RBFOX1: variants seen among roughly 807,000 people sequenced by gnomAD.
The protein encoded by RBFOX1 is RNA binding fox-1 homolog 1, also known as RNA binding protein fox-1 homolog 1.
RBFOX1 carries 8 observed loss-of-function variants against 57.7 expected under a neutral mutation model. That is an observed-to-expected ratio of 0.14 (90% CI 0.08 to 0.25). The LOEUF is 0.25. Among genes scored for constraint, RBFOX1 ranks in the 10% least tolerant of loss-of-function variants. The probability of loss-of-function intolerance (pLI) is 1.00; values close to 1 mark genes in which losing one functional copy is unlikely to be tolerated. For missense variants in RBFOX1, 611 were observed against 548.5 expected, an observed-to-expected ratio of 1.11 and a Z score of -1.14; for synonymous variants, 326 against 222.4, an observed-to-expected ratio of 1.47 and a Z score of -4.15.
chr16:6,335,407 T>C (rs901674492), intron 2 of RBFOX1, among the ~76,000 whole-genome samples: 2 of 152,168 alleles, frequency 1.3e-5, no homozygotes, highest in East Asian at 3.9e-4. Flanking sequence ...TCTAGAAATG[T>C]GCTATTGGTA....
At chr16:6,314,230 C>G (rs2080782717) in intron 1 of RBFOX1, among the ~76,000 whole-genome samples, 1 of 152,146 alleles carries the variant, frequency 6.6e-6, no homozygotes, top group South Asian at 2.1e-4. Flanking sequence ...ACTTGTTAGG[C>G]TACCCAATGT....
intron 4 of RBFOX1, among the ~76,000 whole-genome samples, chr16:7,333,599 A>G (rs1482197242): frequency 6.6e-6 from 1 of 152,208 alleles, no homozygotes; most frequent in Non-Finnish European, 1.5e-5. Flanking sequence ...GGAACACTCT[A>G]TTGATGGGTA....
At chr16:6,671,736 T>G (rs564876818) in intron 3 of RBFOX1, among the ~76,000 whole-genome samples, 25 of 152,326 alleles carry the variant, frequency 1.6e-4, no homozygotes, top group Non-Finnish European at 3.2e-4. Context: ...ATTTCTGAGT[T>G]ACTTCAATTA....
intron 3 of RBFOX1, among the ~76,000 whole-genome samples, chr16:6,687,594 C>T (rs1410770546): frequency 1.3e-5 from 2 of 152,180 alleles, no homozygotes; most frequent in Admixed American, 6.6e-5. Context: ...ATAAAATTAA[C>T]TTCAGGTCTA....
intron 3 of RBFOX1, among the ~76,000 whole-genome samples, chr16:6,991,136 CAAAAAAAA>C (rs35889519): frequency 3.0e-4 from 16 of 53,070 alleles, no homozygotes; most frequent in Non-Finnish European, 3.1e-4. Context: ...ATTGTCTCTC[CAAAAAAAA>C]AAAAAAAAAA....
At chr16:6,439,600 CT>C (rs1484791092) in intron 2 of RBFOX1, among the ~76,000 whole-genome samples, 1 of 152,136 alleles carries the variant, frequency 6.6e-6, no homozygotes, top group African/African-American at 2.4e-5. Flanking sequence ...TATACCCTTC[CT>C]GATTTCTTGA....
intron 4 of RBFOX1, among the ~76,000 whole-genome samples, chr16:7,290,708 C>T (rs1321115984): frequency 6.6e-6 from 1 of 152,194 alleles, no homozygotes; most frequent in Non-Finnish European, 1.5e-5. Context: ...GGGAAAAATA[C>T]CGTTCTCATG....
At chr16:6,231,078 C>T (rs966208418) in intron 1 of RBFOX1, among the ~76,000 whole-genome samples, 4 of 151,990 alleles carry the variant, frequency 2.6e-5, no homozygotes, top group African/African-American at 9.7e-5. Context: ...AAAGAAGGGT[C>T]TATTTGGGTA....
Position 7,257,008 on chromosome 16 carries a change from C to G in RBFOX1, c.27+204910C>G, listed in dbSNP as rs561455687. Reference sequence around the variant, plus strand: ...CTGTTACTCGTTCTGATCCTGTCTCCTCTCCCCCTCTGATCCGACCCTCCT... The same window carrying G: ...CTGTTACTCGTTCTGATCCTGTCTCGTCTCCCCCTCTGATCCGACCCTCCT... On this transcript the variant is annotated intron_variant, in intron 4 of 15. Transcript: ENST00000550418. Among the ~76,000 whole-genome samples the G allele has an allele frequency of 2.6e-5, 4 of 152,246 alleles. No individual in the cohort carries two copies. The South Asian group carries it at 8.3e-4, about 32-fold the overall frequency.
chr16:6,227,535 G>C (rs112053028), intron 1 of RBFOX1, among the ~76,000 whole-genome samples: 254 of 152,212 alleles, frequency 1.7e-3, no homozygotes, highest in African/African-American at 6.0e-3. Context: ...AGTCTGCAGG[G>C]TAGGGACAGA....
At chr16:5,273,519 G>A (rs1351022715) in intron 1 of RBFOX1, among the ~76,000 whole-genome samples, 4 of 152,188 alleles carry the variant, frequency 2.6e-5, no homozygotes, top group Non-Finnish European at 2.9e-5. Flanking sequence ...GGCGGGTGAA[G>A]CTTTGGTGTC....
intron 3 of RBFOX1, among the ~76,000 whole-genome samples, chr16:6,938,641 G>A (rs1264980992): frequency 2.0e-5 from 3 of 152,168 alleles, no homozygotes; most frequent in Non-Finnish European, 2.9e-5. Flanking sequence ...GACAATCTAG[G>A]TTAAAGGGCA....
chr16:6,889,947 G>C (rs1474873971), intron 3 of RBFOX1, among the ~76,000 whole-genome samples: 1 of 152,148 alleles, frequency 6.6e-6, no homozygotes, highest in Non-Finnish European at 1.5e-5. Context: ...TATTTCAGTG[G>C]TTACCTGTGA....
intron 14 of RBFOX1, among the ~76,000 whole-genome samples, chr16:7,687,063 T>C (rs982404305): frequency 3.3e-5 from 5 of 152,252 alleles, no homozygotes; most frequent in African/African-American, 1.2e-4. Context: ...TATTTTCATG[T>C]GTTCCCCCTT....
At chr16:6,650,991 C>G (rs1270823408) in intron 2 of RBFOX1, among the ~76,000 whole-genome samples, 2 of 152,200 alleles carry the variant, frequency 1.3e-5, no homozygotes, top group Non-Finnish European at 2.9e-5. Flanking sequence ...CATCCTCCGC[C>G]TTCCCGGTTC....
intron 1 of RBFOX1, among the ~76,000 whole-genome samples, chr16:6,024,741 C>G (rs911080464): frequency 6.6e-6 from 1 of 152,242 alleles, no homozygotes; most frequent in Non-Finnish European, 1.5e-5. Context: ...TCCTCGGCCT[C>G]TCAAAGTGCT....
intron 3 of RBFOX1, among the ~76,000 whole-genome samples, chr16:6,820,814 G>C (rs1324824726): frequency 6.6e-6 from 1 of 152,118 alleles, no homozygotes; most frequent in Non-Finnish European, 1.5e-5. Flanking sequence ...CAGATAAATG[G>C]ACCATTGGTA....
chr16:6,077,686 T>G (rs2152499431), intron 1 of RBFOX1, among the ~76,000 whole-genome samples: 1 of 138,744 alleles, frequency 7.2e-6, no homozygotes, highest in East Asian at 2.1e-4. Context: ...TCTTTTATTT[T>G]TACTTATTTA....
chr16:7,294,649 T>A (rs1364746915), intron 4 of RBFOX1, among the ~76,000 whole-genome samples: 5 of 152,094 alleles, frequency 3.3e-5, no homozygotes, highest in Non-Finnish European at 7.4e-5. Context: ...AAATTTCATA[T>A]GATAAAATTA....
Sources: allele counts gnomAD v4.1 joint callset (sites outside exome capture counted in the v4.1 genomes callset), GRCh38; gene constraint gnomAD v4.1.1; transcripts MANE v1.5; gene names NCBI Gene and HGNC (gene_info 2026-07-23, HGNC 2026-07-21).